Variants in SIGLEC7 observed in about 807,000 individuals in gnomAD.
SIGLEC7 encodes the protein sialic acid-binding Ig-like lectin 7.
SIGLEC7 carries 33 observed loss-of-function variants against 40.8 expected under a neutral mutation model. The ratio of observed to expected loss-of-function variants is 0.81; its 90% CI spans 0.61 to 1.08. SIGLEC7 has a LOEUF of 1.08. Ranked by LOEUF, SIGLEC7 falls within the 50% of genes least tolerant of loss-of-function variation. SIGLEC7 has a pLI of 0.00. For missense variants in SIGLEC7, 513 were observed against 576.1 expected (o/e 0.89, Z 1.12); for synonymous variants, 242 against 237.6 (o/e 1.02, Z -0.17).
rs755002749 is a variant in SIGLEC7 at position 51,142,502 on chromosome 19, C to T, written c.133C>T (p.Arg45Cys). 4.3e-6 allele frequency: 7 copies of T among 1,614,002 alleles called. No individual in the cohort carries two copies. Among genetic ancestry groups the T allele is most frequent in the African/African-American group, 4.0e-5 (3 of 74,890 alleles). The change falls in exon 1 of 7, where the codon CGC becomes TGC. Residue 45 changes from arginine to cysteine, a missense_variant. Physicochemically the swap from Arg to Cys is radical, Grantham distance 180 (BLOSUM62 -3). Coordinates refer to ENST00000317643, the MANE Select transcript of SIGLEC7 (RefSeq NM_014385.4). The surrounding 1 kb of genome is among the most constrained non-coding windows in gnomAD (Gnocchi z 5.0). ...GCAAGAGGGCATGTGTGTCCATGTG[C>T]GCTGCTCCTTCTCCTACCCAGTGGA... ...TVQEGMCVHV[R>C]CSFSYPVDSQ...
At chr19:51,144,117 G>A in intron 1 of SIGLEC7, 1 of 694,326 alleles carries the variant, frequency 1.4e-6, no homozygotes, top group South Asian at 1.4e-5. Context: ...GCCAGGAAGG[G>A]GGATTTGAGG....
In SIGLEC7 at chr19:51,145,873, A is replaced by C; in HGVS notation, c.779A>C (p.Asn260Thr). The C allele has an allele frequency of 4.3e-6, 7 of 1,614,132 alleles. No individual in the cohort carries two copies. The highest frequency in any genetic ancestry group is 5.9e-6 in the Non-Finnish European group (7 of 1,180,010). The change falls in exon 4 of 7, where the codon AAC becomes ACC. Residue 260 changes from asparagine to threonine, a missense_variant. Physicochemically the swap from Asn to Thr is moderately conservative, Grantham distance 65. Coordinates refer to ENST00000317643, the MANE Select transcript of SIGLEC7 (RefSeq NM_014385.4). This position sits in a 1 kb window ranked among gnomAD's most constrained non-coding sequence, Gnocchi z 4.3. ...TCTACAGCATCCACAGCTCTGGGGA[A>C]CAGCTCATCTCTTTCAGTCCTAGAG... ...GEGTASTALG[N>T]SSSLSVLEGQ...
chr19:51,147,244 C>T lies in SIGLEC7; in HGVS notation c.1148C>T (p.Ser383Leu), dbSNP rs199869547. 94 of 1,612,502 alleles carry T rather than the reference C, an allele frequency of 5.8e-5. No homozygotes were observed. Among genetic ancestry groups the T allele is most frequent in the East Asian group, 8.9e-5 (4 of 44,786 alleles). ...FIVVRSCRKKSARPAADVGDI... is the reference protein window; with the variant it reads ...FIVVRSCRKKLARPAADVGDI... The stretch of plus-strand genomic sequence containing the variant: ...AGAGTGAGGTCCTGCAGGAAGAAAT[C>T]GGCAAGGCCAGCAGCGGACGTGGGA... The change falls in exon 6 of 7, where the codon TCG becomes TTG. Residue 383 changes from serine to leucine, a missense_variant. Transcript: ENST00000317643.
chr19:51,144,745 G>A (rs1189359806), intron 2 of SIGLEC7, 61 bp downstream of exon 2: 1 of 1,593,030 alleles, frequency 6.3e-7, no homozygotes, highest in Non-Finnish European at 8.6e-7. Context: ...TGAGGGCAGA[G>A]GATGGGGTCA....
chr19:51,144,704 G>T lies in SIGLEC7; in HGVS notation c.712+20G>T, dbSNP rs755141993. The T allele has an allele frequency of 1.2e-6, 2 of 1,609,196 alleles. No individual in the cohort carries two copies. Among genetic ancestry groups the T allele is most frequent in the Non-Finnish European group, 1.7e-6 (2 of 1,177,420 alleles). On this transcript the variant is annotated intron_variant, in intron 2 of 6. Transcript: ENST00000317643. ...TGTCCTGTGAGTGCTGAGCCAGGAC[G>T]CCCTGGTCCCTGATGAGGGGGGGAC...
At position 51,142,924 on chromosome 19, in the gene SIGLEC7, C is replaced by A. The variant is rs1467991306; in HGVS notation, c.433+122C>A. 1 of 1,116,148 alleles carries A rather than the reference C, an allele frequency of 9.0e-7. No homozygotes were observed. The highest frequency in any genetic ancestry group is 1.3e-6 in the Non-Finnish European group (1 of 776,442). 69.1% of individuals were successfully genotyped at this position (1,116,148 alleles called of 1,614,324 possible). A position where few individuals can be genotyped will look rare whatever the true frequency, so the allele number is the denominator to read the frequency against. ...TGATGGACTCAGGAGAGGAGCTGGA[C>A]CAGAGCCTGAGCTTCCCCAGGACCG... On this transcript the variant is annotated intron_variant, in intron 1 of 6. Coordinates refer to ENST00000317643, the MANE Select transcript of SIGLEC7 (RefSeq NM_014385.4). The surrounding 1 kb of genome is among the most constrained non-coding windows in gnomAD (Gnocchi z 5.0).
Position 51,145,654 on chromosome 19 carries a change from C to T in SIGLEC7, c.761-201C>T, listed in dbSNP as rs1194131726. On this transcript the variant is annotated intron_variant, in intron 3 of 6. Transcript: ENST00000317643. This position sits in a 1 kb window ranked among gnomAD's most constrained non-coding sequence, Gnocchi z 4.3. ...GCACATTTTACCAGTGTCATATGTT[C>T]TTTCTGATTTTGAAAGATATGGTGA... Among the ~76,000 whole-genome samples the T allele has an allele frequency of 6.6e-6, 1 of 152,176 alleles. No individual in the cohort carries two copies. The highest frequency in any genetic ancestry group is 1.5e-5 in the Non-Finnish European group (1 of 68,032).
rs2092102772 is a variant in SIGLEC7, at chr19:51,145,729, G to A, written c.761-126G>A. On this transcript the variant is annotated intron_variant, in intron 3 of 6. Coordinates refer to ENST00000317643, the MANE Select transcript of SIGLEC7 (RefSeq NM_014385.4). This position sits in a 1 kb window ranked among gnomAD's most constrained non-coding sequence, Gnocchi z 4.3. The stretch of plus-strand genomic sequence containing the variant: ...AAGTTTACATTCCCAACAGTGAGCG[G>A]TGAACATAAGTATGTCCCTGCACCA... 1 of 1,078,040 alleles carries A rather than the reference G, an allele frequency of 9.3e-7. No homozygotes were observed. The highest frequency in any genetic ancestry group is 1.3e-6 in the Non-Finnish European group (1 of 742,252). The allele number at this position is 1,078,040 out of a possible 1,614,324, so 66.8% of individuals were successfully genotyped here. A position where few individuals can be genotyped will look rare whatever the true frequency, so the allele number is the denominator to read the frequency against.
Position 51,146,053 on chromosome 19 carries a change from G to A in SIGLEC7, c.959G>A (p.Cys320Tyr), listed in dbSNP as rs1406583952. 6.2e-7 allele frequency: 1 copy of A among 1,614,240 alleles called. No individual in the cohort carries two copies. Among genetic ancestry groups the A allele is most frequent in the Non-Finnish European group, 8.5e-7 (1 of 1,180,044 alleles). The change falls in exon 4 of 7, where the codon TGT becomes TAT. Residue 320 changes from cysteine to tyrosine, a missense_variant. Coordinates refer to ENST00000317643, the MANE Select transcript of SIGLEC7 (RefSeq NM_014385.4). Reference protein sequence around the residue: ...VHLGDEGEFTCRAQNSLGSQH... With the variant: ...VHLGDEGEFTYRAQNSLGSQH... The stretch of plus-strand genomic sequence containing the variant: ...CTGGGGGATGAAGGGGAATTCACCT[G>A]TCGAGCTCAGAACTCTCTGGGTTCC...
Position 51,145,886 on chromosome 19 carries a change from T to A in SIGLEC7, c.792T>A (p.Leu264=), listed in dbSNP as rs761108078. ...CAGCTCTGGGGAACAGCTCATCTCT[T>A]TCAGTCCTAGAGGGCCAGTCTCTGC... ...ASTALGNSSS[L]SVLEGQSLRL... Residue 264 remains leucine (L), a synonymous_variant, in exon 4 of 7, where the codon CTT becomes CTA. Coordinates refer to ENST00000317643, the MANE Select transcript of SIGLEC7 (RefSeq NM_014385.4). The surrounding 1 kb of genome is among the most constrained non-coding windows in gnomAD (Gnocchi z 4.3). The A allele has an allele frequency of 3.1e-6, 5 of 1,614,204 alleles. No individual in the cohort carries two copies. The highest frequency in any genetic ancestry group is 3.3e-4 in the Middle Eastern group (2 of 6,062).
chr19:51,142,331 A>C lies in SIGLEC7; in HGVS notation c.-39A>C. The C allele has an allele frequency of 6.3e-7, 1 of 1,596,220 alleles. No individual in the cohort carries two copies. The highest frequency in any genetic ancestry group is 2.2e-5 in the East Asian group (1 of 44,812). ...TCCTGAGAGAAGAACCCTGAGGAAC[A>C]GACGTTCCCTCGCGGCCCTGGCACC... On this transcript the variant is annotated 5_prime_UTR_variant, in exon 1 of 7. Coordinates refer to ENST00000317643, the MANE Select transcript of SIGLEC7 (RefSeq NM_014385.4). This position sits in a 1 kb window ranked among gnomAD's most constrained non-coding sequence, Gnocchi z 5.0.
Position 51,152,927 on chromosome 19 carries a change from G to A in SIGLEC7, c.1222-136G>A. On this transcript the variant is annotated intron_variant, in intron 6 of 6. Coordinates refer to ENST00000317643, the MANE Select transcript of SIGLEC7 (RefSeq NM_014385.4). ...TTCTATAAAATGAACGTGGGATAGA[G>A]GCAGGAACTCATGAAGTTTAATTCT... The A allele has an allele frequency of 5.2e-6, 3 of 575,246 alleles. No homozygotes were observed. In the South Asian group the frequency reaches 1.7e-4, roughly 33 times the overall value. 35.6% of individuals were successfully genotyped at this position (575,246 alleles called of 1,614,324 possible). A position where few individuals can be genotyped will look rare whatever the true frequency, so the allele number is the denominator to read the frequency against.
rs755231980 is a variant in SIGLEC7, at chr19:51,144,636, C to G, written c.664C>G (p.Pro222Ala). Residue 222 changes from proline to alanine, a missense_variant, in exon 2 of 7, where the codon CCT (proline) becomes GCT (alanine). By Grantham distance (27) the Pro-to-Ala change is conservative (BLOSUM62 -1). Transcript: ENST00000317643. ...CAGCCTCACCTGTCAGGTGACCTTGCCTGGGGCCGGCGTGACCACGAACAG... is the reference window on the plus strand; with the variant it reads ...CAGCCTCACCTGTCAGGTGACCTTGGCTGGGGCCGGCGTGACCACGAACAG... ...GTSLTCQVTLPGAGVTTNRTI... is the reference protein window; with the variant it reads ...GTSLTCQVTLAGAGVTTNRTI... 6.2e-6 allele frequency: 10 copies of G among 1,613,814 alleles called. No homozygotes were observed. The South Asian group carries it at 7.7e-5, about 12-fold the overall frequency.
chr19:51,146,885 T>C (rs2092112075), intron 5 of SIGLEC7, 35 bp downstream of exon 5: 1 of 1,587,996 alleles, frequency 6.3e-7, no homozygotes, highest in Admixed American at 1.7e-5. Context: ...GGGAGAGTCC[T>C]GGGGGAGGGC....
At chr19:51,150,647 GA>G (rs2092137456) in intron 6 of SIGLEC7, among the ~76,000 whole-genome samples, 1 of 152,172 alleles carries the variant, frequency 6.6e-6, no homozygotes, top group Non-Finnish European at 1.5e-5. Context: ...TGGCCTCATA[GA>G]ATGAGTTAGG....
rs2092078928 is a variant in SIGLEC7 at position 51,142,818 on chromosome 19, C to T, written c.433+16C>T. On this transcript the variant is annotated intron_variant, in intron 1 of 6. Coordinates refer to ENST00000317643, the MANE Select transcript of SIGLEC7 (RefSeq NM_014385.4). The surrounding 1 kb of genome is among the most constrained non-coding windows in gnomAD (Gnocchi z 5.0). Reference sequence around the variant, plus strand: ...AACGTGACAGGTAAGGCACGGGCTCCAAGAGAGGCCAAAGGCAAATGTGAT... The same window carrying T: ...AACGTGACAGGTAAGGCACGGGCTCTAAGAGAGGCCAAAGGCAAATGTGAT... 2 of 1,568,014 alleles carry T rather than the reference C, an allele frequency of 1.3e-6. No individual in the cohort carries two copies. The highest frequency in any genetic ancestry group is 1.4e-5 in the African/African-American group (1 of 73,734).
At chr19:51,143,297 A>G (rs6509519) in intron 1 of SIGLEC7, among the ~76,000 whole-genome samples, 4,610 of 152,202 alleles carry the variant, frequency 0.03, 216 homozygotes, top group African/African-American at 0.11. Flanking sequence ...TTCCTGGCGC[A>G]AACCAAGGGC....
chr19:51,151,691 G>A (rs1017800874), intron 6 of SIGLEC7, among the ~76,000 whole-genome samples: 1 of 152,244 alleles, frequency 6.6e-6, no homozygotes, highest in African/African-American at 2.4e-5. Context: ...GGGAAGGTGA[G>A]CAGCTGGGTC....
At position 51,144,548 on chromosome 19, in the gene SIGLEC7, G is replaced by GCACC; in HGVS notation, c.578_581dup (p.Ser195ProfsTer86). 1 of 1,613,698 alleles carries GCACC rather than the reference G, an allele frequency of 6.2e-7. No homozygotes were observed. The highest frequency in any genetic ancestry group is 8.5e-7 in the Non-Finnish European group (1 of 1,179,886). ...GGATGGGGACCTCTGTGTCCCCCCT[G>GCACC]CACCCCTCCACCACCCGCTCCTCAG... is the stretch of plus-strand genomic sequence containing the variant. On this transcript the variant is annotated frameshift_variant, in exon 2 of 7. Coordinates refer to ENST00000317643, the MANE Select transcript of SIGLEC7 (RefSeq NM_014385.4). LOFTEE classifies it high-confidence loss of function.
Sources: gnomAD v4.1 joint callset for allele counts (sites outside exome capture counted in the v4.1 genomes callset) on GRCh38, gnomAD v4.1.1 for gene constraint, Gnocchi (gnomAD v3.1) non-coding constraint, MANE v1.5 for transcripts, NCBI Gene and HGNC (gene_info 2026-07-23, HGNC 2026-07-21) for gene names.